PIK3C2G: variants seen among roughly 807,000 people sequenced by gnomAD.
PIK3C2G encodes the protein phosphatidylinositol-4-phosphate 3-kinase catalytic subunit type 2 gamma, also known as phosphatidylinositol 3-kinase C2 domain-containing subunit gamma.
In PIK3C2G, 168 loss-of-function variants were observed where a neutral mutation model predicts 181.1. The observed-to-expected ratio is 0.93, with a 90% CI of 0.82 to 1.05. The LOEUF is 1.05. Among genes scored for constraint, PIK3C2G ranks in the 50% least tolerant of loss-of-function variants. The probability of loss-of-function intolerance (pLI) is 0.00; values close to 1 mark genes in which losing one functional copy is unlikely to be tolerated. For synonymous variants in PIK3C2G, 573 were observed against 592.2 expected, an observed-to-expected ratio of 0.97 and a Z score of 0.47; for missense variants, 1,869 against 1,732.8, an observed-to-expected ratio of 1.08 and a Z score of -1.40.
chr12:18,522,574 T>C (rs2136187518), intron 24 of PIK3C2G, among the ~76,000 whole-genome samples: 1 of 152,074 alleles, frequency 6.6e-6, no homozygotes, highest in African/African-American at 2.4e-5. Context: ...CTCTCCTGGC[T>C]TGCAGGGTCT....
At chr12:18,411,488 TA>T (rs11319458) in intron 16 of PIK3C2G, among the ~76,000 whole-genome samples, 71,938 of 151,848 alleles carry the variant, frequency 0.47, 17,810 homozygotes, top group East Asian at 0.65. Flanking sequence ...ACAATCATCT[TA>T]AAAAAATCCT....
intron 5 of PIK3C2G, among the ~76,000 whole-genome samples, chr12:18,300,843 T>A (rs1950146709): frequency 6.6e-6 from 1 of 152,158 alleles, no homozygotes; most frequent in Admixed American, 6.5e-5. Flanking sequence ...TTTTTTCACT[T>A]CCAGATGTAG....
intron 5 of PIK3C2G, among the ~76,000 whole-genome samples, chr12:18,301,114 C>A (rs1158869412): frequency 6.6e-6 from 1 of 152,124 alleles, no homozygotes; most frequent in Non-Finnish European, 1.5e-5. Context: ...TGACTCAATG[C>A]TTTTCCCTTG....
intron 26 of PIK3C2G, among the ~76,000 whole-genome samples, chr12:18,556,497 AT>A (rs1361452481): frequency 6.6e-6 from 1 of 152,122 alleles, no homozygotes; most frequent in African/African-American, 2.4e-5. Context: ...CATAGTTGAG[AT>A]TTTTGTGAGG....
At chr12:18,676,100 A>C in the PIK3C2G span, among the ~76,000 whole-genome samples, 1 of 152,116 alleles carries the variant, frequency 6.6e-6, no homozygotes. Flanking sequence ...CCTGCTTTGC[A>C]TGGGTGTCCT....
upstream of PIK3C2G, among the ~76,000 whole-genome samples, chr12:18,257,278 C>T (rs1003108331): frequency 1.1e-4 from 17 of 152,034 alleles, no homozygotes; most frequent in African/African-American, 3.9e-4. Flanking sequence ...TGACAATTCT[C>T]GGTTTGATGC....
intron 18 of PIK3C2G, among the ~76,000 whole-genome samples, chr12:18,445,475 C>G (rs1364547088): frequency 6.6e-6 from 1 of 151,556 alleles, no homozygotes; most frequent in Non-Finnish European, 1.5e-5. Flanking sequence ...AACAGAATCG[C>G]AAATTGAAGA....
intron 18 of PIK3C2G, among the ~76,000 whole-genome samples, chr12:18,425,770 G>C (rs1945771417): frequency 6.6e-6 from 1 of 152,146 alleles, no homozygotes. Context: ...AGGATTTAAA[G>C]TGTAGCAGAA....
the PIK3C2G span, among the ~76,000 whole-genome samples, chr12:18,704,309 C>A: frequency 2.6e-5 from 4 of 151,790 alleles, no homozygotes; most frequent in African/African-American, 7.3e-5. Flanking sequence ...AAATTTGGGC[C>A]GTGAGAGGGA....
chr12:18,333,839 G>A (rs886954990), intron 8 of PIK3C2G, among the ~76,000 whole-genome samples: 1 of 152,132 alleles, frequency 6.6e-6, no homozygotes, highest in Non-Finnish European at 1.5e-5. Context: ...AAGATGGTAA[G>A]CTGTTACATG....
intron 13 of PIK3C2G, among the ~76,000 whole-genome samples, chr12:18,372,364 T>C (rs182759550): frequency 1.2e-3 from 184 of 152,286 alleles, no homozygotes; most frequent in African/African-American, 4.3e-3. Flanking sequence ...CAATACAAGT[T>C]TGTTTACTAA....
intron 8 of PIK3C2G, among the ~76,000 whole-genome samples, chr12:18,329,110 C>G (rs897139042): frequency 6.6e-6 from 1 of 151,828 alleles, no homozygotes. Flanking sequence ...AGAACACTCT[C>G]AGACTTGAAG....
chr12:18,249,772 TG>T (rs1948077386), intron 1 of PIK3C2G, among the ~76,000 whole-genome samples: 1 of 121,480 alleles, frequency 8.2e-6, no homozygotes, highest in Non-Finnish European at 1.8e-5. Flanking sequence ...GAAAATCTTC[TG>T]CTAACTTTTT....
intron 18 of PIK3C2G, among the ~76,000 whole-genome samples, chr12:18,433,444 T>G (rs954147087): frequency 2.2e-4 from 34 of 152,244 alleles, no homozygotes; most frequent in Admixed American, 1.8e-3. Context: ...GAGAATCACT[T>G]GAACCCAGGA....
chr12:18,479,882 G>C lies in PIK3C2G; in HGVS notation c.2505-8567G>C, dbSNP rs188687629. On this transcript the variant is annotated intron_variant, in intron 18 of 32. Transcript: ENST00000538779. ...AGTGTCCTCACCTAACAAATGTAAG[G>C]GTGGGAGAAATTTCCTCAAAGTATT... 3.7e-4 allele frequency among the ~76,000 whole-genome samples: 56 copies of C among 152,276 alleles called. 1 individual carries two copies. Among genetic ancestry groups the C allele is most frequent in the African/African-American group, 1.3e-3 (55 of 41,566 alleles).
the PIK3C2G span, chr12:18,712,715 T>A: frequency 1.2e-5 from 14 of 1,168,516 alleles, no homozygotes; most frequent in Non-Finnish European, 6.2e-6. Context: ...CACTGCCTAC[T>A]AATGGATCAT....
upstream of PIK3C2G, among the ~76,000 whole-genome samples, chr12:18,258,331 T>C (rs1321105772): frequency 6.6e-6 from 1 of 152,110 alleles, no homozygotes; most frequent in Non-Finnish European, 1.5e-5. Context: ...TTTTCAAGTA[T>C]ACAATACATT....
chr12:18,650,342 T>TAC (rs1429118188), downstream of PIK3C2G, among the ~76,000 whole-genome samples: 540 of 134,652 alleles, frequency 4.0e-3, 8 homozygotes, highest in Admixed American at 0.01. Flanking sequence ...TATATATATA[T>TAC]ATATATGTGT....
intron 1 of PIK3C2G, among the ~76,000 whole-genome samples, chr12:18,269,896 TC>T (rs908981202): frequency 7.2e-6 from 1 of 138,630 alleles, no homozygotes; most frequent in Non-Finnish European, 1.6e-5. Context: ...TACCCTTTTT[TC>T]TTTTTTTTTC....
Sources: gnomAD v4.1 joint callset for allele counts (sites outside exome capture counted in the v4.1 genomes callset) on GRCh38, gnomAD v4.1.1 for gene constraint, MANE v1.5 for transcripts, NCBI Gene and HGNC (gene_info 2026-07-23, HGNC 2026-07-21) for gene names.